TAF12: variants seen among roughly 807,000 people sequenced by gnomAD.
TAF12 encodes TATA-box binding protein associated factor 12, also known as transcription initiation factor TFIID subunit 12.
TAF12 carries 3 observed loss-of-function variants against 20.8 expected under a neutral mutation model. The observed-to-expected ratio is 0.14, with a 90% CI of 0.07 to 0.37. The LOEUF is 0.37. Ranked by LOEUF, TAF12 falls within the 10% of genes least tolerant of loss-of-function variation. The pLI is 1.00. For missense variants in TAF12, 131 were observed against 197.9 expected, an observed-to-expected ratio of 0.66 and a Z score of 2.03; for synonymous variants, 69 against 70.2, an observed-to-expected ratio of 0.98 and a Z score of 0.09.
intron 3 of TAF12, among the ~76,000 whole-genome samples, chr1:28,616,171 C>T (rs146384031): frequency 0.013 from 1,979 of 151,420 alleles, 43 homozygotes; most frequent in African/African-American, 0.045. Flanking sequence ...CTGAGGTGGA[C>T]AGATCACTTG....
In TAF12 at chr1:28,613,244, T is replaced by C. The variant is rs1666924632; in HGVS notation, c.361+3A>G. The stretch of plus-strand genomic sequence containing the variant: ...TACTTCAGGGAGAAACAAGACCACA[T>C]ACCTAAATGCAGCTGGACATCTTTC... On this transcript the variant is annotated splice_donor_region_variant and intron_variant, in intron 4 of 5. Transcript: ENST00000373824. 6.2e-7 allele frequency: 1 copy of C among 1,605,540 alleles called. No homozygotes were observed. The highest frequency in any genetic ancestry group is 8.5e-7 in the Non-Finnish European group (1 of 1,175,792).
chr1:28,624,888 C>T (rs1050086652), intron 1 of TAF12, among the ~76,000 whole-genome samples: 4 of 152,198 alleles, frequency 2.6e-5, no homozygotes, highest in African/African-American at 9.7e-5. Context: ...CAAGAACCAG[C>T]TGATGGGGAC....
chr1:28,614,614 C>CA (rs908254038), intron 3 of TAF12, among the ~76,000 whole-genome samples: 16 of 150,816 alleles, frequency 1.1e-4, no homozygotes, highest in African/African-American at 3.4e-4. Flanking sequence ...GCCGGGGCAG[C>CA]AGAGGTTGCA....
At chr1:28,618,841 A>G (rs1056134796) in intron 2 of TAF12, among the ~76,000 whole-genome samples, 3 of 152,174 alleles carry the variant, frequency 2.0e-5, no homozygotes, top group Non-Finnish European at 4.4e-5. Context: ...CCCTGAGGGC[A>G]GCCTTCATAA....
At chr1:28,643,214 T>C (rs1465335899), upstream of TAF12, 1 of 649,902 alleles carries the variant, frequency 1.5e-6, no homozygotes, top group Non-Finnish European at 1.9e-6. Flanking sequence ...TGTGTGTAGG[T>C]ACACCCTGCA....
chr1:28,623,803 C>T, intron 1 of TAF12: 1 of 205,370 alleles, frequency 4.9e-6, no homozygotes, highest in Non-Finnish European at 8.6e-6. Flanking sequence ...AATCTAAGTA[C>T]ATGCAGAGAC....
At chr1:28,647,486 A>C (rs1033103111), upstream of TAF12, among the ~76,000 whole-genome samples, 2 of 151,938 alleles carry the variant, frequency 1.3e-5, no homozygotes, top group African/African-American at 2.4e-5. Context: ...CGAGGTCTCT[A>C]TATGTTGCCC....
At chr1:28,616,472 C>T (rs917644706) in intron 3 of TAF12, among the ~76,000 whole-genome samples, 2 of 151,392 alleles carry the variant, frequency 1.3e-5, no homozygotes, top group Non-Finnish European at 2.9e-5. Flanking sequence ...ATAGCTCATG[C>T]CTGTAATCCC....
At chr1:28,605,485 G>C (rs1434724206) in intron 4 of TAF12, 25 bp from the exon 5 acceptor site, 1 of 1,611,902 alleles carries the variant, frequency 6.2e-7, no homozygotes, top group African/African-American at 1.3e-5. Context: ...CCAGCACAGA[G>C]ATAAACGTAC....
chr1:28,608,214 G>A (rs1441800223), intron 4 of TAF12, among the ~76,000 whole-genome samples: 1 of 149,190 alleles, frequency 6.7e-6, no homozygotes, highest in African/African-American at 2.5e-5. Flanking sequence ...GTGTGGTGGC[G>A]GGCGCCTGTA....
intron 1 of TAF12, among the ~76,000 whole-genome samples, chr1:28,641,473 A>G (rs982510352): frequency 4.6e-5 from 7 of 152,006 alleles, no homozygotes; most frequent in African/African-American, 1.7e-4. Flanking sequence ...ACTCTGTCTC[A>G]AAAAAACAAA....
At chr1:28,619,971 C>G (rs1484209347) in intron 2 of TAF12, among the ~76,000 whole-genome samples, 2 of 150,672 alleles carry the variant, frequency 1.3e-5, no homozygotes, top group Non-Finnish European at 3.0e-5. Flanking sequence ...GAGAGAGAGA[C>G]AGACAGAGGA....
chr1:28,619,359 G>A (rs185678333), intron 2 of TAF12, among the ~76,000 whole-genome samples: 13 of 150,482 alleles, frequency 8.6e-5, no homozygotes, highest in African/African-American at 3.2e-4. Flanking sequence ...TTAGCCAGGC[G>A]TGGTGGCGGG....
At chr1:28,620,953 C>T (rs146998037) in intron 2 of TAF12, among the ~76,000 whole-genome samples, 2 of 152,318 alleles carry the variant, frequency 1.3e-5, no homozygotes, top group East Asian at 3.9e-4. Flanking sequence ...TCCACCCAGT[C>T]TAACCCCCTT....
At position 28,626,889 on chromosome 1, in the gene TAF12, C is replaced by T. The variant is rs1422513637; in HGVS notation, c.-84-4724G>A. ...CGCACCATTGCAACTCTAGCTTGGGCGACAAGGGCGAAACTCCATCTCAAA... is the reference window on the plus strand; with the variant it reads ...CGCACCATTGCAACTCTAGCTTGGGTGACAAGGGCGAAACTCCATCTCAAA... On this transcript the variant is annotated intron_variant, in intron 1 of 5. Coordinates refer to ENST00000373824, the MANE Select transcript of TAF12 (RefSeq NM_005644.4). Among the ~76,000 whole-genome samples, 7 of 151,594 alleles carry T rather than the reference C, an allele frequency of 4.6e-5. 1 individual carries two copies. In the East Asian group the frequency reaches 7.8e-4, roughly 17 times the overall value.
chr1:28,624,966 T>C (rs1667334915), intron 1 of TAF12, among the ~76,000 whole-genome samples: 1 of 152,052 alleles, frequency 6.6e-6, no homozygotes, highest in Non-Finnish European at 1.5e-5. Context: ...CCCACAAACA[T>C]TACCAATAGA....
chr1:28,628,570 G>A (rs1667514260), intron 1 of TAF12, among the ~76,000 whole-genome samples: 1 of 151,516 alleles, frequency 6.6e-6, no homozygotes, highest in Non-Finnish European at 1.5e-5. Flanking sequence ...AAATTACATT[G>A]TGGTGATGGT....
At chr1:28,642,246 T>C (rs1668059545) in intron 1 of TAF12, among the ~76,000 whole-genome samples, 1 of 152,200 alleles carries the variant, frequency 6.6e-6, no homozygotes, top group Non-Finnish European at 1.5e-5. Flanking sequence ...AAGTAGGCAG[T>C]GCGAAGGAGA....
upstream of TAF12, among the ~76,000 whole-genome samples, chr1:28,645,067 G>A (rs964372664): frequency 1.3e-5 from 2 of 150,136 alleles, no homozygotes; most frequent in African/African-American, 2.5e-5. Context: ...ACGGAGTCTC[G>A]CTGTTTCACC....
Sources: allele counts gnomAD v4.1 joint callset (sites outside exome capture counted in the v4.1 genomes callset), GRCh38; gene constraint gnomAD v4.1.1; transcripts MANE v1.5; gene names NCBI Gene and HGNC (gene_info 2026-07-23, HGNC 2026-07-21).